Variants in SLC39A8 observed in about 807,000 individuals in gnomAD.
SLC39A8 encodes metal cation symporter ZIP8.
A neutral mutation model predicts 40.4 loss-of-function variants in SLC39A8; 15 were observed. The ratio of observed to expected loss-of-function variants is 0.37; its 90% confidence interval spans 0.25 to 0.57. SLC39A8 has a LOEUF of 0.57. Ranked by LOEUF, SLC39A8 falls within the 20% of genes least tolerant of loss-of-function variation. The probability of loss-of-function intolerance (pLI) is 0.75; values close to 1 mark genes in which losing one functional copy is unlikely to be tolerated. For missense variants in SLC39A8, 472 were observed against 558.8 expected (o/e 0.84, Z 1.57); for synonymous variants, 223 against 221.6 (o/e 1.01, Z -0.06).
chr4:102,273,954 G>C (rs1041950647), intron 6 of SLC39A8, among the ~76,000 whole-genome samples: 1 of 152,114 alleles, frequency 6.6e-6, no homozygotes, highest in African/African-American at 2.4e-5. Context: ...GTCACCAACA[G>C]CAAAGACCAA....
At chr4:102,310,078 G>A (rs1734359664) in intron 3 of SLC39A8, among the ~76,000 whole-genome samples, 1 of 151,820 alleles carries the variant, frequency 6.6e-6, no homozygotes, top group Non-Finnish European at 1.5e-5. Flanking sequence ...ACTGACCCTT[G>A]CACAGCCTCT....
chr4:102,297,277 T>G (rs1733719555), intron 6 of SLC39A8, among the ~76,000 whole-genome samples: 1 of 152,048 alleles, frequency 6.6e-6, no homozygotes, highest in Admixed American at 6.6e-5. Flanking sequence ...GAAACAGGAT[T>G]CCTGCACTTC....
chr4:102,313,305 T>C (rs1187825021), intron 3 of SLC39A8, among the ~76,000 whole-genome samples: 4 of 152,190 alleles, frequency 2.6e-5, no homozygotes, highest in Non-Finnish European at 4.4e-5. Flanking sequence ...TAGTAGTGTC[T>C]ACATCATATA....
chr4:102,275,805 C>A (rs1173021560), intron 6 of SLC39A8, among the ~76,000 whole-genome samples: 1 of 152,168 alleles, frequency 6.6e-6, no homozygotes, highest in Non-Finnish European at 1.5e-5. Context: ...ATAGTGCAAT[C>A]AAATTAGAAC....
At chr4:102,338,832 T>C (rs549042670) in intron 2 of SLC39A8, among the ~76,000 whole-genome samples, 3 of 152,302 alleles carry the variant, frequency 2.0e-5, no homozygotes, top group South Asian at 4.1e-4. Context: ...ACCTTTATCA[T>C]AGAGTTGGTA....
intron 3 of SLC39A8, among the ~76,000 whole-genome samples, chr4:102,314,134 G>A (rs960520340): frequency 5.3e-5 from 8 of 151,926 alleles, no homozygotes; most frequent in Non-Finnish European, 7.4e-5. Context: ...CGATCTCTCC[G>A]GTTTCTCTGG....
intron 6 of SLC39A8, among the ~76,000 whole-genome samples, chr4:102,280,448 A>G (rs1732820341): frequency 6.6e-6 from 1 of 152,238 alleles, no homozygotes; most frequent in Non-Finnish European, 1.5e-5. Context: ...TTCATGAAAA[A>G]AGTAACAAAA....
At chr4:102,343,192 A>G (rs1736017850) in intron 2 of SLC39A8, among the ~76,000 whole-genome samples, 1 of 152,212 alleles carries the variant, frequency 6.6e-6, no homozygotes, top group Admixed American at 6.5e-5. Context: ...TAGATCAAAG[A>G]GAGACCACCT....
intron 2 of SLC39A8, among the ~76,000 whole-genome samples, chr4:102,331,220 A>G (rs1735445495): frequency 1.3e-5 from 2 of 152,238 alleles, no homozygotes; most frequent in South Asian, 4.1e-4. Flanking sequence ...AAACAGGAAA[A>G]GAAGCAGTCA....
chr4:102,269,347 C>T (rs1174176484), intron 6 of SLC39A8, among the ~76,000 whole-genome samples: 2 of 152,130 alleles, frequency 1.3e-5, no homozygotes, highest in South Asian at 2.1e-4. Flanking sequence ...CAAATCTGCA[C>T]CTTTGGATTT....
At chr4:102,258,370 CTGG>C (rs1277958284), downstream of SLC39A8, among the ~76,000 whole-genome samples, 16 of 152,128 alleles carry the variant, frequency 1.1e-4, no homozygotes, top group Non-Finnish European at 1.8e-4. Flanking sequence ...GAGTGAAGGA[CTGG>C]CTAGCCCTTC....
chr4:102,328,406 A>G (rs1243952950), intron 2 of SLC39A8, among the ~76,000 whole-genome samples: 2 of 152,158 alleles, frequency 1.3e-5, no homozygotes, highest in Non-Finnish European at 2.9e-5. Context: ...AAATTAAATT[A>G]AATGATGCAT....
At chr4:102,274,759 A>G (rs1013180812) in intron 6 of SLC39A8, among the ~76,000 whole-genome samples, 4 of 152,230 alleles carry the variant, frequency 2.6e-5, no homozygotes, top group African/African-American at 9.6e-5. Context: ...CTCTCTCTAC[A>G]GAAACTCTAC....
rs72924860 is a variant in SLC39A8, at chr4:102,289,492, T to C, written c.840+14825A>G. Among the ~76,000 whole-genome samples the C allele has an allele frequency of 6.5e-3, 996 of 152,260 alleles. 17 individuals are homozygous for C. The highest frequency in any genetic ancestry group is 0.023 in the African/African-American group (950 of 41,568). The stretch of plus-strand genomic sequence containing the variant: ...TTAAGAAATACATTGTGTAAGACTG[T>C]AGCTGCCATAGTAGTGATTCCTATA... On this transcript the variant is annotated intron_variant, in intron 6 of 8. Transcript: ENST00000356736.
intron 6 of SLC39A8, among the ~76,000 whole-genome samples, chr4:102,287,484 T>C (rs1187197589): frequency 1.3e-5 from 2 of 152,120 alleles, no homozygotes; most frequent in Admixed American, 1.3e-4. Flanking sequence ...CATGATTTTC[T>C]CAGAAGAGCA....
At chr4:102,298,866 G>A (rs1733787010) in intron 6 of SLC39A8, among the ~76,000 whole-genome samples, 1 of 152,044 alleles carries the variant, frequency 6.6e-6, no homozygotes, top group Non-Finnish European at 1.5e-5. Context: ...GAGGCACCAA[G>A]TACTTCTGAA....
chr4:102,254,219 A>G (rs1307159646), intron 11 of SLC39A8, among the ~76,000 whole-genome samples: 1 of 152,180 alleles, frequency 6.6e-6, no homozygotes, highest in Non-Finnish European at 1.5e-5. Flanking sequence ...CTGACTGTCC[A>G]TGTTCTCTAA....
downstream of SLC39A8, among the ~76,000 whole-genome samples, chr4:102,261,154 G>A (rs1008792186): frequency 6.6e-6 from 1 of 152,212 alleles, no homozygotes; most frequent in African/African-American, 2.4e-5. Flanking sequence ...ATTTATTATA[G>A]GGTTAACCTC....
intron 2 of SLC39A8, among the ~76,000 whole-genome samples, chr4:102,325,833 AT>A (rs1367713125): frequency 6.6e-6 from 1 of 152,170 alleles, no homozygotes; most frequent in African/African-American, 2.4e-5. Flanking sequence ...ATTCTTAGAG[AT>A]TTTACTAAAG....
Sources: gnomAD v4.1 joint callset for allele counts (sites outside exome capture counted in the v4.1 genomes callset) on GRCh38, gnomAD v4.1.1 for gene constraint, MANE v1.5 for transcripts, NCBI Gene and HGNC (gene_info 2026-07-23, HGNC 2026-07-21) for gene names.